Variants in OTOG observed in about 807,000 individuals in gnomAD.
OTOG encodes the protein otogelin.
A neutral mutation model predicts 313.8 loss-of-function variants in OTOG; 296 were observed. The observed-to-expected ratio is 0.94, with a 90% confidence interval of 0.86 to 1.04. OTOG has a LOEUF of 1.04. Ranked by LOEUF, OTOG falls within the 50% of genes least tolerant of loss-of-function variation. The pLI, the probability that OTOG is intolerant of heterozygous loss-of-function variation, is 0.00. For missense variants in OTOG, 3,948 were observed against 3,840.1 expected (o/e 1.03, Z -0.74); for synonymous variants, 1,533 against 1,554.9 (o/e 0.99, Z 0.33).
intron 25 of OTOG, 133 bp from the exon 26 acceptor site, chr11:17,593,060 T>C: frequency 1.1e-6 from 1 of 941,278 alleles, no homozygotes; most frequent in South Asian, 2.0e-5. Context: ...TCGCCCAAAG[T>C]CACACAGCTC....
chr11:17,609,174 A>T lies in OTOG; in HGVS notation c.4319A>T (p.Asp1440Val), dbSNP rs1188677717. ...VPVCPTPQVL[D>V]EVTQRCVYLE... ...GTGTGCCCCACCCCCCAGGTCCTGG[A>T]TGAAGTCACACAGAGATGTGTCTAC... Residue 1440 changes from aspartate to valine, a missense_variant, in exon 35 of 56, where the codon GAT (aspartate) becomes GTT (valine). Transcript: ENST00000399397. The T allele has an allele frequency of 6.4e-7, 1 of 1,550,426 alleles. No individual in the cohort carries two copies. The highest frequency in any genetic ancestry group is 8.7e-7 in the Non-Finnish European group (1 of 1,146,944).
intron 1 of OTOG, 200 bp downstream of exon 1, chr11:17,547,666 G>C (rs1348413197): frequency 2.9e-6 from 3 of 1,033,932 alleles, no homozygotes; most frequent in East Asian, 6.4e-5. Flanking sequence ...GGGGGAAAGA[G>C]TCCAAAGTTA....
chr11:17,603,712 C>T (rs1050296044), intron 32 of OTOG, among the ~76,000 whole-genome samples: 2 of 152,112 alleles, frequency 1.3e-5, no homozygotes, highest in African/African-American at 4.8e-5. Flanking sequence ...GAGGAGGTGT[C>T]CCTTGAGTTG....
rs780130629 is a variant in OTOG, at chr11:17,609,877, C to A, written c.4577C>A (p.Thr1526Asn). The change falls in exon 36 of 56, where the codon ACC becomes AAC. Residue 1526 changes from threonine to asparagine, a missense_variant. Thr to Asn is a moderately conservative substitution (Grantham distance 65). Coordinates refer to ENST00000399397, the MANE Select transcript of OTOG (RefSeq NM_001292063.2). ...TEEPVVSPGP[T>N]QTTLQQPLEL... ...GAGCCAGTGGTGTCTCCAGGCCCCA[C>A]CCAGACCACCCTGCAGCAGCCACTG... The A allele has an allele frequency of 7.9e-6, 12 of 1,514,498 alleles. No homozygotes were observed. The South Asian group carries it at 1.5e-4, about 19-fold the overall frequency. 93.8% of individuals were successfully genotyped at this position (1,514,498 alleles called of 1,614,324 possible).
chr11:17,579,739 G>A (rs1348556158), intron 23 of OTOG, among the ~76,000 whole-genome samples: 1 of 152,154 alleles, frequency 6.6e-6, no homozygotes, highest in Non-Finnish European at 1.5e-5. Context: ...CTCAGCCTGA[G>A]GTCAGGAAAA....
rs1392122454 is a variant in OTOG at position 17,610,353 on chromosome 11, AC to A, written c.5056del (p.Gln1686ArgfsTer12). On this transcript the variant is annotated frameshift_variant, in exon 36 of 56. Coordinates refer to ENST00000399397, the MANE Select transcript of OTOG (RefSeq NM_001292063.2). LOFTEE classifies it high-confidence loss of function. ...AAGCAGGACAGGGGTCCCCCAGCCCACCCAGGCCCAGAGTGCTTCAAGTCCC... is the reference window on the plus strand; with the variant it reads ...AAGCAGGACAGGGGTCCCCCAGCCCACCAGGCCCAGAGTGCTTCAAGTCCC... ...VISRTGVPQPTQAQSASSPST... is the reference protein window; with the variant it reads ...VISRTGVPQPXQAQSASSPST... 6.4e-7 allele frequency: 1 copy of A among 1,550,506 alleles called. No individual in the cohort carries two copies.
At position 17,561,245 on chromosome 11, in the gene OTOG, G is replaced by A. The variant is rs1852176227; in HGVS notation, c.1498+108G>A. Reference sequence around the variant, plus strand: ...TTGCTGCGGGTGGGGATGTCACTCAGTTCCATTGGCTACGCCCCGACCCCT... The same window carrying A: ...TTGCTGCGGGTGGGGATGTCACTCAATTCCATTGGCTACGCCCCGACCCCT... On this transcript the variant is annotated intron_variant, in intron 14 of 55. Coordinates refer to ENST00000399397, the MANE Select transcript of OTOG (RefSeq NM_001292063.2). 7.7e-6 allele frequency: 10 copies of A among 1,293,804 alleles called. No individual in the cohort carries two copies. The South Asian group carries it at 1.0e-4, about 13-fold the overall frequency. The allele number at this position is 1,293,804 out of a possible 1,614,324, so 80.1% of individuals were successfully genotyped here.
chr11:17,626,632 G>C (rs1456874827), intron 39 of OTOG, among the ~76,000 whole-genome samples: 1 of 151,990 alleles, frequency 6.6e-6, no homozygotes, highest in East Asian at 1.9e-4. Flanking sequence ...TATATTTTAG[G>C]GTTGTTTTTT....
At chr11:17,608,274 G>A in intron 33 of OTOG, 22 bp from the exon 34 acceptor site, 3 of 1,481,194 alleles carry the variant, frequency 2.0e-6, no homozygotes, top group Non-Finnish European at 2.7e-6. Flanking sequence ...ACCCAGAGTT[G>A]CTGCCCCATC....
Position 17,576,621 on chromosome 11 carries a change from TG to T in OTOG, c.2555del (p.Gly852AlafsTer10). On this transcript the variant is annotated frameshift_variant, in exon 21 of 56. Coordinates refer to ENST00000399397, the MANE Select transcript of OTOG (RefSeq NM_001292063.2). LOFTEE classifies it high-confidence loss of function. ...YPPGDSDIPS[L>X]GHCHCKDGVM... Reference sequence around the variant, plus strand: ...CCCGGAGACAGTGACATCCCATCCCTGGGCCACTGGTGAGCTCCGTAGGTAG... The same window carrying T: ...CCCGGAGACAGTGACATCCCATCCCTGGCCACTGGTGAGCTCCGTAGGTAG... The T allele has an allele frequency of 6.5e-7, 1 of 1,550,012 alleles. No individual in the cohort carries two copies.
chr11:17,633,787 C>G lies in OTOG; in HGVS notation c.7180C>G (p.Gln2394Glu), dbSNP rs1462915298. The change falls in exon 43 of 56, where the codon CAG becomes GAG. Residue 2394 changes from glutamine to glutamate, a missense_variant. Physicochemically the swap from Gln to Glu is conservative, Grantham distance 29. Coordinates refer to ENST00000399397, the MANE Select transcript of OTOG (RefSeq NM_001292063.2). Reference protein sequence around the residue: ...ILGPLDPEHCQVLGEGCVCSE... With the variant: ...ILGPLDPEHCEVLGEGCVCSE... ...AGGGCCTCTGGACCCAGAGCACTGC[C>G]AGGTGCTGGGCGAGGGCTGCGTCTG... 2 of 1,550,408 alleles carry G rather than the reference C, an allele frequency of 1.3e-6. No homozygotes were observed. The highest frequency in any genetic ancestry group is 2.0e-5 in the Admixed American group (1 of 50,978).
intron 31 of OTOG, among the ~76,000 whole-genome samples, chr11:17,601,357 G>A (rs573213667): frequency 6.6e-6 from 1 of 152,226 alleles, no homozygotes; most frequent in East Asian, 1.9e-4. Context: ...CGTTTGTCAG[G>A]CACAAAACGG....
At chr11:17,626,400 T>C (rs923101170) in intron 39 of OTOG, among the ~76,000 whole-genome samples, 2 of 152,190 alleles carry the variant, frequency 1.3e-5, no homozygotes, top group East Asian at 3.9e-4. Flanking sequence ...GGTCTCAAAC[T>C]CCTGACCTCA....
In OTOG at chr11:17,551,439, G is replaced by A. The variant is rs144234949; in HGVS notation, c.217-561G>A. 6.5e-3 allele frequency among the ~76,000 whole-genome samples: 984 copies of A among 152,242 alleles called. 10 individuals are homozygous for A. Among genetic ancestry groups the A allele is most frequent in the African/African-American group, 0.022 (913 of 41,544 alleles). ...TCCTCCTTAGACCTGAGGTATCAGG[G>A]CAGGAGTCCTGACTGGGAGCTGAGT... On this transcript the variant is annotated intron_variant, in intron 3 of 55. Transcript: ENST00000399397.
At chr11:17,604,175 G>A (rs549878151) in intron 32 of OTOG, among the ~76,000 whole-genome samples, 16 of 152,262 alleles carry the variant, frequency 1.1e-4, no homozygotes, top group Admixed American at 3.9e-4. Context: ...CCAAACCGAG[G>A]CATTAAACAA....
In OTOG at chr11:17,599,799, G is replaced by C. The variant is rs909906672; in HGVS notation, c.3709+102G>C. 2.2e-6 allele frequency: 3 copies of C among 1,371,708 alleles called. No individual in the cohort carries two copies. In the African/African-American group the frequency reaches 4.3e-5, roughly 20 times the overall value. 85.0% of individuals were successfully genotyped at this position (1,371,708 alleles called of 1,614,324 possible). On this transcript the variant is annotated intron_variant, in intron 31 of 55. Transcript: ENST00000399397. ...CCATCCCGAGGCGCTGCTGGCCCTG[G>C]AAGAGCCGTGACCCGGAATGGGAGG...
intron 25 of OTOG, among the ~76,000 whole-genome samples, chr11:17,592,546 GAC>G (rs3073106): frequency 7.9e-5 from 12 of 150,972 alleles, no homozygotes; most frequent in South Asian, 2.1e-4. Flanking sequence ...GTGAGACATG[GAC>G]ACACACACAC....
chr11:17,548,660 G>T (rs1303125755), intron 3 of OTOG, among the ~76,000 whole-genome samples: 2 of 152,042 alleles, frequency 1.3e-5, no homozygotes, highest in African/African-American at 4.8e-5. Context: ...AGGCCACCTG[G>T]TGGAAGTTGC....
chr11:17,574,905 G>T lies in OTOG; in HGVS notation c.2479G>T (p.Val827Phe), dbSNP rs1459735482. Residue 827 changes from valine to phenylalanine, a missense_variant, in exon 20 of 56, where the codon GTC (valine) becomes TTC (phenylalanine). Val to Phe is a conservative substitution (Grantham distance 50). Coordinates refer to ENST00000399397, the MANE Select transcript of OTOG (RefSeq NM_001292063.2). ...TYLDTQADLC[V>F]PRNQCSCHFQ... ...TCTGGACACCCAGGCTGACCTCTGT[G>T]TCCCCCGGTGAGTGGGTCAGCTTGA... 2.0e-6 allele frequency: 3 copies of T among 1,506,742 alleles called. No homozygotes were observed. Among genetic ancestry groups the T allele is most frequent in the Non-Finnish European group, 2.7e-6 (3 of 1,122,488 alleles). The allele number at this position is 1,506,742 out of a possible 1,614,324, so 93.3% of individuals were successfully genotyped here.
Sources: allele counts gnomAD v4.1 joint callset (sites outside exome capture counted in the v4.1 genomes callset), GRCh38; gene constraint gnomAD v4.1.1; transcripts MANE v1.5; gene names NCBI Gene and HGNC (gene_info 2026-07-23, HGNC 2026-07-21).